LARGE1: variants seen among roughly 807,000 people sequenced by gnomAD.
The protein encoded by LARGE1 is LARGE xylosyl- and glucuronyltransferase 1.
A neutral mutation model predicts 87.6 loss-of-function variants in LARGE1; 43 were observed. The ratio of observed to expected loss-of-function variants is 0.49; its 90% confidence interval spans 0.38 to 0.63. The LOEUF (loss-of-function observed/expected upper bound fraction) is 0.63. Ranked by LOEUF, LARGE1 falls within the 30% of genes least tolerant of loss-of-function variation. The probability of loss-of-function intolerance (pLI) is 0.00; values close to 1 mark genes in which losing one functional copy is unlikely to be tolerated. For missense variants in LARGE1, 802 were observed against 1,000.2 expected (o/e 0.80, Z 2.67); for synonymous variants, 434 against 394.6 (o/e 1.10, Z -1.18).
chr22:33,526,741 C>T (rs2071916317), intron 6 of LARGE1, among the ~76,000 whole-genome samples: 1 of 152,230 alleles, frequency 6.6e-6, no homozygotes, highest in Admixed American at 6.5e-5. Flanking sequence ...TCTTGAGAAA[C>T]TAAAACTTTC....
At chr22:33,802,085 G>T (rs1245347242) in intron 1 of LARGE1, among the ~76,000 whole-genome samples, 2 of 151,684 alleles carry the variant, frequency 1.3e-5, no homozygotes, top group African/African-American at 2.4e-5. Flanking sequence ...GAATGATTTG[G>T]TTGAGAGGGA....
intron 1 of LARGE1, among the ~76,000 whole-genome samples, chr22:33,887,506 G>A (rs2064886315): frequency 6.6e-6 from 1 of 152,188 alleles, no homozygotes; most frequent in South Asian, 2.1e-4. Context: ...GGAGACCGAG[G>A]CGGGTGGATA....
chr22:33,773,935 C>T (rs1216697833), intron 1 of LARGE1, among the ~76,000 whole-genome samples: 1 of 152,216 alleles, frequency 6.6e-6, no homozygotes, highest in African/African-American at 2.4e-5. Flanking sequence ...AGTACAGACA[C>T]TACTGTTTGT....
chr22:33,860,866 C>G (rs1048117499), intron 1 of LARGE1, among the ~76,000 whole-genome samples: 1 of 152,138 alleles, frequency 6.6e-6, no homozygotes, highest in Non-Finnish European at 1.5e-5. Flanking sequence ...CGGGGAACAC[C>G]GTGGGCGCAG....
chr22:33,441,588 C>T (rs1448595975), intron 6 of LARGE1, among the ~76,000 whole-genome samples: 3 of 152,028 alleles, frequency 2.0e-5, no homozygotes, highest in South Asian at 2.1e-4. Flanking sequence ...TGAGCAGCTA[C>T]GGGACTACAG....
In LARGE1 at chr22:33,304,309, G is replaced by C; in HGVS notation, c.1650C>G (p.Ala550=). The change falls in exon 12 of 15, where the codon GCC becomes GCG. Residue 550 remains alanine, a synonymous_variant. Coordinates refer to ENST00000397394, the MANE Select transcript of LARGE1 (RefSeq NM_133642.5). Reference sequence around the variant, plus strand: ...TGTAGGGAGTGCTGATGTGCTTCATGGCCACGTTGCGCAGCAGGTTCACGG... The same window carrying C: ...TGTAGGGAGTGCTGATGTGCTTCATCGCCACGTTGCGCAGCAGGTTCACGG... ...FYPVNLLRNV[A]MKHISTPYMF... 1 of 1,614,264 alleles carries C rather than the reference G, an allele frequency of 6.2e-7. No individual in the cohort carries two copies. Among genetic ancestry groups the C allele is most frequent in the Middle Eastern group, 1.6e-4 (1 of 6,062 alleles).
At position 33,650,582 on chromosome 22, in the gene LARGE1, G is replaced by A; in HGVS notation, c.193C>T (p.Leu65=). Residue 65 remains leucine (L), a synonymous_variant, in exon 3 of 15, where the codon CTG becomes TTG. Coordinates refer to ENST00000397394, the MANE Select transcript of LARGE1 (RefSeq NM_133642.5). ...TASSQRERES[L]EVRMREVEEE... is the part of the protein sequence containing the mutation. Reference sequence around the variant, plus strand: ...TCCACCTCGCGCATGCGCACCTCCAGGCTCTCGCGCTCCCGCTGGCTGGAG... The same window carrying A: ...TCCACCTCGCGCATGCGCACCTCCAAGCTCTCGCGCTCCCGCTGGCTGGAG... The A allele has an allele frequency of 6.2e-7, 1 of 1,606,462 alleles. No homozygotes were observed. Among genetic ancestry groups the A allele is most frequent in the South Asian group, 1.1e-5 (1 of 91,060 alleles).
chr22:33,694,444 G>A (rs1225047102), intron 2 of LARGE1, among the ~76,000 whole-genome samples: 1 of 152,206 alleles, frequency 6.6e-6, no homozygotes, highest in African/African-American at 2.4e-5. Flanking sequence ...AAGGACAGAG[G>A]GCAGAGACAT....
chr22:33,808,661 G>A (rs1226935709), intron 1 of LARGE1, among the ~76,000 whole-genome samples: 3 of 152,190 alleles, frequency 2.0e-5, no homozygotes, highest in East Asian at 1.9e-4. Context: ...CATGTGAGCC[G>A]GATCAATTTC....
intron 2 of LARGE1, among the ~76,000 whole-genome samples, chr22:33,661,435 G>A (rs888213414): frequency 6.6e-6 from 1 of 151,760 alleles, no homozygotes; most frequent in African/African-American, 2.4e-5. Flanking sequence ...CCTGTTCCTC[G>A]AACTCCTGAC....
At chr22:33,519,302 G>A (rs2071460486) in intron 6 of LARGE1, among the ~76,000 whole-genome samples, 1 of 151,958 alleles carries the variant, frequency 6.6e-6, no homozygotes, top group Non-Finnish European at 1.5e-5. Flanking sequence ...AGGAGACCCA[G>A]GGGGGCTCCC....
At chr22:33,806,523 C>CT (rs2086314594) in intron 1 of LARGE1, among the ~76,000 whole-genome samples, 1 of 152,196 alleles carries the variant, frequency 6.6e-6, no homozygotes, top group South Asian at 2.1e-4. Flanking sequence ...GAGAACATGG[C>CT]TGTATCATTA....
chr22:33,072,096 C>A, the LARGE1 span, among the ~76,000 whole-genome samples: 1 of 152,188 alleles, frequency 6.6e-6, no homozygotes, highest in South Asian at 2.1e-4. Flanking sequence ...TCCCTGCCCT[C>A]CCCATGCAGA....
intron 11 of LARGE1, among the ~76,000 whole-genome samples, chr22:33,243,059 C>A (rs192811945): frequency 6.6e-6 from 1 of 152,294 alleles, no homozygotes; most frequent in East Asian, 1.9e-4. Flanking sequence ...CTAAACTCAT[C>A]TAATTCCATC....
chr22:33,734,383 T>A (rs1467221128), intron 2 of LARGE1, among the ~76,000 whole-genome samples: 1 of 152,146 alleles, frequency 6.6e-6, no homozygotes, highest in Non-Finnish European at 1.5e-5. Flanking sequence ...GGTACTGATG[T>A]GGTCAAAGGA....
At chr22:33,194,178 G>C (rs1453989307) in intron 11 of LARGE1, among the ~76,000 whole-genome samples, 3 of 151,052 alleles carry the variant, frequency 2.0e-5, no homozygotes, top group Non-Finnish European at 4.4e-5. Context: ...CAAAATCTAT[G>C]GTATAGCTAA....
intron 2 of LARGE1, among the ~76,000 whole-genome samples, chr22:33,715,368 C>T (rs772174903): frequency 7.2e-5 from 11 of 152,152 alleles, no homozygotes; most frequent in African/African-American, 1.9e-4. Flanking sequence ...AGATCCATGT[C>T]GTCCTGCTTC....
chr22:33,492,971 C>T lies in LARGE1; in HGVS notation c.788-60706G>A, dbSNP rs1376644785. On this transcript the variant is annotated intron_variant, in intron 6 of 14. Transcript: ENST00000397394. ...CTCTGCTGTGATGCTTCCTCTCTAA[C>T]AATCCATTTTCAGGACAAAAGAGAA... Among the ~76,000 whole-genome samples the T allele has an allele frequency of 5.3e-5, 8 of 152,050 alleles. No individual in the cohort carries two copies. In the East Asian group the frequency reaches 1.5e-3, roughly 29 times the overall value.
the LARGE1 span, among the ~76,000 whole-genome samples, chr22:33,133,628 C>T: frequency 1.1e-4 from 16 of 152,216 alleles, no homozygotes; most frequent in Middle Eastern, 6.8e-3. Context: ...TGAATAGTAC[C>T]GCAATAAACA....
Sources: gnomAD v4.1 joint callset for allele counts (sites outside exome capture counted in the v4.1 genomes callset) on GRCh38, gnomAD v4.1.1 for gene constraint, MANE v1.5 for transcripts, NCBI Gene and HGNC (gene_info 2026-07-23, HGNC 2026-07-21) for gene names.